LARS1: variants seen among roughly 807,000 people sequenced by gnomAD.
The protein encoded by LARS1 is leucyl-tRNA synthetase 1.
Under a neutral mutation model 162.8 loss-of-function variants are expected in LARS1, and 100 were observed. That is an observed-to-expected ratio of 0.61 (90% CI 0.52 to 0.73). The LOEUF (loss-of-function observed/expected upper bound fraction) is 0.73. Ranked by LOEUF, LARS1 falls within the 30% of genes least tolerant of loss-of-function variation. The pLI is 0.00. For synonymous variants in LARS1, 457 were observed against 462.8 expected, an observed-to-expected ratio of 0.99 and a Z score of 0.16; for missense variants, 1,258 against 1,408.9, an observed-to-expected ratio of 0.89 and a Z score of 1.71.
intron 24 of LARS1, 134 bp from the exon 25 acceptor site, chr5:146,130,292 A>C (rs1266688656): frequency 1.2e-5 from 10 of 827,368 alleles, no homozygotes; most frequent in South Asian, 6.7e-5. Flanking sequence ...AATTACTGTA[A>C]AGGTTTTACT....
In LARS1 at chr5:146,120,401, G is replaced by A. The variant is rs200326284; in HGVS notation, c.3295C>T (p.Arg1099Cys). ...QGDNCDSIIR[R>C]LMKMNRGIKD... ...ATTCCTCGATTCATTTTCATTAAAC[G>A]CCTGATTATGGAATCACAGTTATCT... is the stretch of plus-strand genomic sequence containing the variant. The change falls in exon 31 of 32, where the codon CGT (arginine) becomes TGT (cysteine). Residue 1099 changes from arginine (R) to cysteine (C), a missense_variant. Arg to Cys is a radical substitution (Grantham distance 180). Coordinates refer to ENST00000394434, the MANE Select transcript of LARS1 (RefSeq NM_020117.11). 11 of 1,612,770 alleles carry A rather than the reference G, an allele frequency of 6.8e-6. No individual in the cohort carries two copies. The highest frequency in any genetic ancestry group is 3.3e-5 in the Admixed American group (2 of 59,856).
At chr5:146,147,264 C>G (rs35658996) in intron 15 of LARS1, among the ~76,000 whole-genome samples, 33,854 of 152,018 alleles carry the variant, frequency 0.22, 4,832 homozygotes, top group Admixed American at 0.34. Flanking sequence ...TATGAAACAA[C>G]AACAGCATCC....
At position 146,114,046 on chromosome 5, in the gene LARS1, G is replaced by A; in HGVS notation, c.*60C>T. On this transcript the variant is annotated 3_prime_UTR_variant, in exon 32 of 32. Coordinates refer to ENST00000394434, the MANE Select transcript of LARS1 (RefSeq NM_020117.11). ...CTAAGGTTCTGATAGCCAATCAGTA[G>A]ACACAATCAGAGTAGTAGTATTCCT... The A allele has an allele frequency of 7.7e-7, 1 of 1,298,718 alleles. No individual in the cohort carries two copies. The highest frequency in any genetic ancestry group is 1.1e-6 in the Non-Finnish European group (1 of 895,346). The allele number at this position is 1,298,718 out of a possible 1,614,324, so 80.4% of individuals were successfully genotyped here. A position where few individuals can be genotyped will look rare whatever the true frequency, so the allele number is the denominator to read the frequency against.
intron 8 of LARS1, among the ~76,000 whole-genome samples, chr5:146,158,058 G>A (rs1056377289): frequency 6.6e-6 from 1 of 152,114 alleles, no homozygotes; most frequent in African/African-American, 2.4e-5. Context: ...TTCCATCCCA[G>A]GGCATGTCCC....
At chr5:146,116,953 A>G (rs1278266025) in intron 31 of LARS1, among the ~76,000 whole-genome samples, 2 of 152,200 alleles carry the variant, frequency 1.3e-5, no homozygotes, top group African/African-American at 4.8e-5. Context: ...GGCCTTTTAG[A>G]TATCAAGGCA....
intron 24 of LARS1, 188 bp from the exon 25 acceptor site, chr5:146,130,346 G>A (rs1724156512): frequency 3.3e-6 from 2 of 600,798 alleles, no homozygotes; most frequent in Non-Finnish European, 5.6e-6. Flanking sequence ...GTATATGGCA[G>A]TTTTATACTA....
At position 146,114,111 on chromosome 5, in the gene LARS1, G is replaced by T. The variant is rs1281604687; in HGVS notation, c.3526C>A (p.His1176Asn). 1 of 1,610,816 alleles carries T rather than the reference G, an allele frequency of 6.2e-7. No homozygotes were observed. Among genetic ancestry groups the T allele is most frequent in the Non-Finnish European group, 8.5e-7 (1 of 1,177,736 alleles). ...DIGDTIIYLVH is the reference protein window; with the variant it reads ...DIGDTIIYLVN ...AATCTCCAATGTGCATGAGTTTAAT[G>T]AACCAGATAGATTATTGTATCGCCA... Residue 1176 changes from histidine (H) to asparagine (N), a missense_variant, in exon 32 of 32, where the codon CAT (histidine) becomes AAT (asparagine). Transcript: ENST00000394434.
At position 146,153,735 on chromosome 5, in the gene LARS1, T is replaced by C; in HGVS notation, c.1229A>G (p.Gln410Arg). The change falls in exon 12 of 32, where the codon CAA becomes CGA. Residue 410 changes from glutamine to arginine, a missense_variant and splice_region_variant. Transcript: ENST00000394434. ...IAALRDLKKK[Q>R]ALRAKYGIRD... Reference sequence around the variant, plus strand: ...CAAACATGAAACTCAGATACTTACTTGCTTTTTCTTCAAGTCTCTGAGGGC... The same window carrying C: ...CAAACATGAAACTCAGATACTTACTCGCTTTTTCTTCAAGTCTCTGAGGGC... 1 of 1,612,094 alleles carries C rather than the reference T, an allele frequency of 6.2e-7. No individual in the cohort carries two copies. The highest frequency in any genetic ancestry group is 8.5e-7 in the Non-Finnish European group (1 of 1,178,216).
intron 1 of LARS1, 124 bp downstream of exon 1, chr5:146,182,364 G>T (rs1554074718): frequency 1.6e-6 from 2 of 1,267,482 alleles, no homozygotes; most frequent in African/African-American, 1.5e-5. Flanking sequence ...TCTACGAAAG[G>T]CACGCCTTAA....
In LARS1 at chr5:146,128,685, C is replaced by G; in HGVS notation, c.2867G>C (p.Arg956Pro). ...PWQHTTLSVL[R>P]KHFEANNGKL... is the part of the protein sequence containing the mutation. ...TGAGAGCATCACCTCAAAGTGTTTA[C>G]GTAGAACAGACAGGGTGGTATGTTG... is the stretch of plus-strand genomic sequence containing the variant. The change falls in exon 27 of 32, where the codon CGT becomes CCT. Residue 956 changes from arginine to proline, a missense_variant. Arg to Pro is a moderately radical substitution (Grantham distance 103). Transcript: ENST00000394434. 1 of 1,579,482 alleles carries G rather than the reference C, an allele frequency of 6.3e-7. No individual in the cohort carries two copies. Among genetic ancestry groups the G allele is most frequent in the East Asian group, 2.3e-5 (1 of 44,034 alleles).
intron 22 of LARS1, among the ~76,000 whole-genome samples, chr5:146,133,318 T>C (rs1031336077): frequency 6.6e-6 from 1 of 152,214 alleles, no homozygotes; most frequent in Non-Finnish European, 1.5e-5. Context: ...CCAATATGTG[T>C]TTCTTCTCAG....
chr5:146,172,809 A>G, intron 2 of LARS1, 35 bp from the exon 3 acceptor site: 3 of 1,192,908 alleles, frequency 2.5e-6, no homozygotes, highest in Non-Finnish European at 3.5e-6. Flanking sequence ...AAAGTACAGA[A>G]GAATAAATGT....
chr5:146,119,470 T>C (rs188703155), intron 31 of LARS1, among the ~76,000 whole-genome samples: 1 of 152,178 alleles, frequency 6.6e-6, no homozygotes. Flanking sequence ...TAAATCTTTT[T>C]AGAAAATTTT....
chr5:146,152,730 A>G (rs553518010), intron 13 of LARS1, among the ~76,000 whole-genome samples: 20 of 152,344 alleles, frequency 1.3e-4, no homozygotes, highest in Admixed American at 7.2e-4. Flanking sequence ...TGGATCTTTC[A>G]TGAAATGAAA....
intron 21 of LARS1, chr5:146,139,830 A>T (rs1419230157): frequency 6.9e-6 from 1 of 144,368 alleles, no homozygotes; most frequent in Non-Finnish European, 1.4e-5. Context: ...AGCCCATATG[A>T]CGTCACTGCA....
rs1375500899 is a variant in LARS1, at chr5:146,153,189, G to A, written c.1269C>T (p.Val423=). ...RAKYGIRDDM[V]LPFEPVPVIE... is the part of the protein sequence containing the mutation. ...ATGTACTCACCGGCTCAAATGGCAA[G>A]ACCATGTCATCTCTAATTCCATATT... The change falls in exon 13 of 32, where the codon GTC becomes GTT. Residue 423 remains valine, a synonymous_variant. Transcript: ENST00000394434. 1.9e-6 allele frequency: 3 copies of A among 1,613,068 alleles called. No homozygotes were observed. Among genetic ancestry groups the A allele is most frequent in the Middle Eastern group, 1.7e-4 (1 of 6,052 alleles).
chr5:146,138,260 G>C (rs1466940401), intron 21 of LARS1: 1 of 189,966 alleles, frequency 5.3e-6, no homozygotes, highest in Non-Finnish European at 1.2e-5. Flanking sequence ...GAGTAATCTG[G>C]GGAAAGGTAA....
At chr5:146,116,491 G>C (rs1764217695) in intron 31 of LARS1, among the ~76,000 whole-genome samples, 1 of 152,166 alleles carries the variant, frequency 6.6e-6, no homozygotes, top group South Asian at 2.1e-4. Context: ...TATTTGCTTT[G>C]ATGTTTCACC....
At position 146,157,592 on chromosome 5, in the gene LARS1, A is replaced by G. The variant is rs773028745; in HGVS notation, c.876T>C (p.Ala292=). Residue 292 remains alanine, a synonymous_variant, in exon 10 of 32, where the codon GCT becomes GCC. Coordinates refer to ENST00000394434, the MANE Select transcript of LARS1 (RefSeq NM_020117.11). The part of the protein sequence containing the change: ...LKGKNIFLVA[A]TLRPETMFGQ... ...CAAACATGGTCTCAGGTCTGAGAGT[A>G]GCAGCCACCAAGAAAATATTTTTAC... is the stretch of plus-strand genomic sequence containing the variant. The G allele has an allele frequency of 1.2e-6, 2 of 1,614,074 alleles. No homozygotes were observed. The highest frequency in any genetic ancestry group is 1.7e-6 in the Non-Finnish European group (2 of 1,180,042).
Sources: allele counts gnomAD v4.1 joint callset (sites outside exome capture counted in the v4.1 genomes callset), GRCh38; gene constraint gnomAD v4.1.1; transcripts MANE v1.5; gene names NCBI Gene and HGNC (gene_info 2026-07-23, HGNC 2026-07-21).